Variants in ACSL6 observed in about 807,000 individuals in gnomAD.
ACSL6 encodes the protein acyl-CoA synthetase long chain family member 6.
In ACSL6, 47 loss-of-function variants were observed where a neutral mutation model predicts 98.2. That is an observed-to-expected ratio of 0.48 (90% CI 0.38 to 0.61). ACSL6 has a LOEUF of 0.61. Among genes scored for constraint, ACSL6 ranks in the 20% least tolerant of loss-of-function variants. The probability of loss-of-function intolerance (pLI) is 0.00; values close to 1 mark genes in which losing one functional copy is unlikely to be tolerated. For missense variants in ACSL6, 761 were observed against 913.4 expected (o/e 0.83, Z 2.15); for synonymous variants, 362 against 336.9 (o/e 1.07, Z -0.82).
At chr5:132,008,852 G>T (rs2126972856) in intron 1 of ACSL6, among the ~76,000 whole-genome samples, 1 of 152,352 alleles carries the variant, frequency 6.6e-6, no homozygotes, top group East Asian at 1.9e-4. Context: ...CCTTAGCCTA[G>T]AGGAAGGTGT....
chr5:131,967,180 T>TAA (rs911375922), intron 16 of ACSL6, among the ~76,000 whole-genome samples: 2 of 148,534 alleles, frequency 1.3e-5, no homozygotes, highest in Non-Finnish European at 3.0e-5. Context: ...ACCCAATCTC[T>TAA]AAAAAAAAAA....
chr5:131,988,456 C>T (rs535523403), intron 6 of ACSL6: 17 of 1,491,522 alleles, frequency 1.1e-5, no homozygotes, highest in Non-Finnish European at 1.5e-5. Context: ...TCCAAGCTCC[C>T]CTTTGTTCCA....
At chr5:131,985,774 T>C (rs1754146126) in intron 8 of ACSL6, among the ~76,000 whole-genome samples, 1 of 152,212 alleles carries the variant, frequency 6.6e-6, no homozygotes, top group Admixed American at 6.5e-5. Flanking sequence ...TGGGCTGCAG[T>C]GGCCACATCT....
intron 16 of ACSL6, among the ~76,000 whole-genome samples, chr5:131,967,445 C>T (rs925642361): frequency 1.3e-4 from 20 of 152,068 alleles, no homozygotes; most frequent in African/African-American, 3.9e-4. Flanking sequence ...GGGCGGATCA[C>T]GAAGTCAGGA....
At chr5:131,980,191 G>A (rs2240525) in intron 9 of ACSL6, among the ~76,000 whole-genome samples, 65,450 of 151,994 alleles carry the variant, frequency 0.43, 17,237 homozygotes, top group Non-Finnish European at 0.58. Flanking sequence ...AATAGTTACC[G>A]GTGACTGACA....
At chr5:131,996,516 T>C (rs888391839) in intron 1 of ACSL6, among the ~76,000 whole-genome samples, 3 of 152,154 alleles carry the variant, frequency 2.0e-5, no homozygotes, top group African/African-American at 7.2e-5. Flanking sequence ...GACTTAATGA[T>C]ATGAGAAGCC....
At chr5:131,995,771 T>C (rs552855737) in intron 1 of ACSL6, among the ~76,000 whole-genome samples, 31 of 152,208 alleles carry the variant, frequency 2.0e-4, no homozygotes, top group Non-Finnish European at 2.2e-4. Flanking sequence ...CTTCTCCTTC[T>C]CTTATGAGCA....
intron 7 of ACSL6, 144 bp downstream of exon 7, chr5:131,987,904 C>A: frequency 9.0e-7 from 1 of 1,108,394 alleles, no homozygotes; most frequent in South Asian, 1.6e-5. Flanking sequence ...CCAGCCCTTG[C>A]AAAGCCTGCC....
At chr5:132,010,160 A>C (rs1304761024) in intron 1 of ACSL6, among the ~76,000 whole-genome samples, 1 of 152,244 alleles carries the variant, frequency 6.6e-6, no homozygotes, top group Non-Finnish European at 1.5e-5. Flanking sequence ...ACTGGCAGAC[A>C]GAAGGAGCTT....
At position 131,956,855 on chromosome 5, in the gene ACSL6, A is replaced by G. The variant is rs575156306; in HGVS notation, c.2032-2484T>C. On this transcript the variant is annotated intron_variant, in intron 20 of 20. Transcript: ENST00000651883. ...CACACTTCATGAAACTGGAATTTCCATTTTTTAATAAGCAAAGTTTTTGTT... is the reference window on the plus strand; with the variant it reads ...CACACTTCATGAAACTGGAATTTCCGTTTTTTAATAAGCAAAGTTTTTGTT... 1.0e-3 allele frequency among the ~76,000 whole-genome samples: 153 copies of G among 152,314 alleles called. 2 individuals carry two copies. The South Asian group carries it at 0.032, about 32-fold the overall frequency.
intron 15 of ACSL6, chr5:131,968,280 C>A: frequency 2.4e-6 from 1 of 422,248 alleles, no homozygotes; most frequent in Non-Finnish European, 4.3e-6. Flanking sequence ...GCACACCTGG[C>A]CCAGCACCAA....
At chr5:131,988,522 G>C (rs771682675) in intron 6 of ACSL6, 1 of 1,609,598 alleles carries the variant, frequency 6.2e-7, no homozygotes, top group Admixed American at 1.7e-5. Context: ...CCCTGCATCT[G>C]TGCCAAGCTG....
At chr5:131,978,439 G>A (rs1753733425) in intron 9 of ACSL6, among the ~76,000 whole-genome samples, 1 of 152,150 alleles carries the variant, frequency 6.6e-6, no homozygotes, top group Non-Finnish European at 1.5e-5. Flanking sequence ...AAACCTGGTA[G>A]GAGAGGGCAG....
chr5:131,957,623 T>G (rs1167699589), intron 20 of ACSL6, among the ~76,000 whole-genome samples: 1 of 152,256 alleles, frequency 6.6e-6, no homozygotes, highest in African/African-American at 2.4e-5. Flanking sequence ...ACTTAAACTT[T>G]GGATATAGAA....
Position 131,990,119 on chromosome 5 carries a change from T to C in ACSL6, c.431A>G (p.Gln144Arg), listed in dbSNP as rs2126899049. The C allele has an allele frequency of 1.9e-6, 3 of 1,613,994 alleles. No homozygotes were observed. Among genetic ancestry groups the C allele is most frequent in the Non-Finnish European group, 2.5e-6 (3 of 1,179,984 alleles). The change falls in exon 4 of 21, where the codon CAG becomes CGG. Residue 144 changes from glutamine to arginine, a missense_variant. Transcript: ENST00000651883. ...ACTCACCTCCTGGTAGGACAGCCAC[T>C]GGTAAGGCTGCTTAGGCTTCCTGAA... ...LGFRKPKQPY[Q>R]WLSYQEVADR...
upstream of ACSL6, chr5:132,011,765 C>A: frequency 3.0e-6 from 4 of 1,330,724 alleles, no homozygotes; most frequent in Non-Finnish European, 3.9e-6. This position sits in a 1 kb window ranked among gnomAD's most constrained non-coding sequence, Gnocchi z 5.4. Context: ...GCAACCGAGC[C>A]TTACTCCCTG....
chr5:132,009,056 G>A (rs1412483433), intron 1 of ACSL6, among the ~76,000 whole-genome samples: 2 of 152,220 alleles, frequency 1.3e-5, no homozygotes, highest in Admixed American at 6.5e-5. Context: ...TCCTTGTTTA[G>A]TATTCAACAC....
At chr5:131,977,792 C>A (rs546449192) in intron 9 of ACSL6, among the ~76,000 whole-genome samples, 2 of 152,082 alleles carry the variant, frequency 1.3e-5, no homozygotes, top group Non-Finnish European at 2.9e-5. Flanking sequence ...GTGTTGTACT[C>A]GATGCCCCTG....
chr5:131,989,378 C>T, intron 5 of ACSL6, 29 bp downstream of exon 5: 1 of 1,607,426 alleles, frequency 6.2e-7, no homozygotes, highest in Non-Finnish European at 8.5e-7. Context: ...CCACGAATCC[C>T]TCTAAAACCA....
Sources: gnomAD v4.1 joint callset for allele counts (sites outside exome capture counted in the v4.1 genomes callset) on GRCh38, gnomAD v4.1.1 for gene constraint, Gnocchi (gnomAD v3.1) non-coding constraint, MANE v1.5 for transcripts, NCBI Gene and HGNC (gene_info 2026-07-23, HGNC 2026-07-21) for gene names.